The following GDF9 variants were observed in gnomAD, a reference collection of about 807,000 sequenced individuals.
The protein encoded by GDF9 is growth differentiation factor 9, also known as growth/differentiation factor 9.
Under a neutral mutation model 33.8 loss-of-function variants are expected in GDF9, and 30 were observed. That is an observed-to-expected ratio of 0.89 (90% CI 0.66 to 1.20). The LOEUF (loss-of-function observed/expected upper bound fraction) is 1.20. Ranked by LOEUF, GDF9 falls within the 50% of genes most tolerant of loss-of-function variation. GDF9 has a pLI of 0.00. For missense variants in GDF9, 556 were observed against 543.7 expected (o/e 1.02, Z -0.22); for synonymous variants, 205 against 200.7 (o/e 1.02, Z -0.18).
rs148683120 is a variant in GDF9, at chr5:132,861,545, A to C, written c.*44T>G. On this transcript the variant is annotated 3_prime_UTR_variant, in exon 2 of 2. Transcript: ENST00000687138. Reference sequence around the variant, plus strand: ...TTGAAGGCACACATAGGCACACAGTAGTTACTTTGCCAAATAGGCTCAAGG... The same window carrying C: ...TTGAAGGCACACATAGGCACACAGTCGTTACTTTGCCAAATAGGCTCAAGG... 4,104 of 1,556,686 alleles carry C rather than the reference A, an allele frequency of 2.6e-3. 23 individuals are homozygous for C. The highest frequency in any genetic ancestry group is 3.0e-3 in the South Asian group (266 of 89,470).
In GDF9 at chr5:132,861,555, C is replaced by A. The variant is rs764149027; in HGVS notation, c.*34G>T. ...ACATAGGCACACAGTAGTTACTTTG[C>A]CAAATAGGCTCAAGGTTTTAAGAGG... On this transcript the variant is annotated 3_prime_UTR_variant, in exon 2 of 2. Transcript: ENST00000687138. The A allele has an allele frequency of 1.2e-6, 2 of 1,601,172 alleles. No homozygotes were observed. The highest frequency in any genetic ancestry group is 4.5e-5 in the East Asian group (2 of 44,814).
At chr5:132,863,236 A>C (rs941462942) in intron 1 of GDF9, among the ~76,000 whole-genome samples, 14 of 152,198 alleles carry the variant, frequency 9.2e-5, no homozygotes, top group Non-Finnish European at 1.8e-4. Context: ...TAATAGAAAC[A>C]CTTATCAGAC....
chr5:132,862,436 T>C lies in GDF9; in HGVS notation c.518A>G (p.Lys173Arg). Reference protein sequence around the residue: ...NNSVSFSSAVKCVCNLMIKEP... With the variant: ...NNSVSFSSAVRCVCNLMIKEP... ...CTTTATCATTAGATTGCACACACAT[T>C]TGACAGCAGAGGAAAAAGAAACTGA... is the stretch of plus-strand genomic sequence containing the variant. Residue 173 changes from lysine (K) to arginine (R), a missense_variant, in exon 2 of 2, where the codon AAA becomes AGA. Lys to Arg is a conservative substitution (Grantham distance 26). Transcript: ENST00000687138. 1 of 1,614,150 alleles carries C rather than the reference T, an allele frequency of 6.2e-7. No homozygotes were observed. Among genetic ancestry groups the C allele is most frequent in the Non-Finnish European group, 8.5e-7 (1 of 1,180,008 alleles).
rs1472840438 is a variant in GDF9 at position 132,865,211 on chromosome 5, A to G, written c.-678T>C. 6.6e-6 allele frequency: 1 copy of G among 151,742 alleles called. No individual in the cohort carries two copies. 9.4% of individuals were successfully genotyped at this position (151,742 alleles called of 1,614,324 possible). On this transcript the variant is annotated 5_prime_UTR_variant, in exon 1 of 2. Coordinates refer to ENST00000687138, the MANE Select transcript of GDF9 (RefSeq NM_005260.7). ...GGCTGGGTACAGAATACGTACTTGG[A>G]GTACTGGAATTGTATTTGCGATGTT...
chr5:132,862,512 T>C lies in GDF9; in HGVS notation c.442A>G (p.Thr148Ala), dbSNP rs763023910. ...VELLFNLDRI[T>A]TVEHLLKSVL... ...GACTTGAGTAAGTGTTCAACGGTAG[T>C]AATGCGATCCAGGTTAAATAGCAGT... is the stretch of plus-strand genomic sequence containing the variant. The change falls in exon 2 of 2, where the codon ACT (threonine) becomes GCT (alanine). Residue 148 changes from threonine (T) to alanine (A), a missense_variant. Transcript: ENST00000687138. 4 of 1,609,960 alleles carry C rather than the reference T, an allele frequency of 2.5e-6. No homozygotes were observed. Among genetic ancestry groups the C allele is most frequent in the South Asian group, 2.2e-5 (2 of 91,030 alleles).
At position 132,864,371 on chromosome 5, in the gene GDF9, C is replaced by A; in HGVS notation, c.163G>T (p.Glu55Ter). The change falls in exon 1 of 2, where the codon GAG becomes TAG. Residue 55 changes from glutamate (E) to a stop codon, truncating the protein, a stop_gained. Coordinates refer to ENST00000687138, the MANE Select transcript of GDF9 (RefSeq NM_005260.7). LOFTEE classifies it high-confidence loss of function. ...MPWSLLQHID[E>*]RDRAGLLPAL... ...GGAAGGAGGCCAGCTCTGTCTCTCTCATCTATATGCTGCAGCAAGGACCAA... is the reference window on the plus strand; with the variant it reads ...GGAAGGAGGCCAGCTCTGTCTCTCTAATCTATATGCTGCAGCAAGGACCAA... 1 of 1,614,144 alleles carries A rather than the reference C, an allele frequency of 6.2e-7. No individual in the cohort carries two copies. Among genetic ancestry groups the A allele is most frequent in the Non-Finnish European group, 8.5e-7 (1 of 1,180,020 alleles).
At position 132,862,494 on chromosome 5, in the gene GDF9, G is replaced by GT; in HGVS notation, c.459dup (p.Leu154ThrfsTer34). ...ATATTGTACAGCAAGACTGACTTGAGTAAGTGTTCAACGGTAGTAATGCGA... is the reference window on the plus strand; with the variant it reads ...ATATTGTACAGCAAGACTGACTTGAGTTAAGTGTTCAACGGTAGTAATGCGA... On this transcript the variant is annotated frameshift_variant, in exon 2 of 2. Coordinates refer to ENST00000687138, the MANE Select transcript of GDF9 (RefSeq NM_005260.7). LOFTEE classifies it high-confidence loss of function. The GT allele has an allele frequency of 6.2e-7, 1 of 1,612,154 alleles. No homozygotes were observed. Among genetic ancestry groups the GT allele is most frequent in the Non-Finnish European group, 8.5e-7 (1 of 1,178,630 alleles).
At position 132,862,463 on chromosome 5, in the gene GDF9, T is replaced by C. The variant is rs527962952; in HGVS notation, c.491A>G (p.Asn164Ser). ...LKSVLLYNIN[N>S]SVSFSSAVKC... ...GACAGCAGAGGAAAAAGAAACTGAGTTGTTGATATTGTACAGCAAGACTGA... is the reference window on the plus strand; with the variant it reads ...GACAGCAGAGGAAAAAGAAACTGAGCTGTTGATATTGTACAGCAAGACTGA... The change falls in exon 2 of 2, where the codon AAC becomes AGC. Residue 164 changes from asparagine (N) to serine (S), a missense_variant. Transcript: ENST00000687138. The C allele has an allele frequency of 6.2e-7, 1 of 1,613,864 alleles. No homozygotes were observed. Among genetic ancestry groups the C allele is most frequent in the Non-Finnish European group, 8.5e-7 (1 of 1,179,874 alleles).
Position 132,864,439 on chromosome 5 carries a change from GCTT to G in GDF9, c.92_94del (p.Glu31del). On this transcript the variant is annotated inframe_deletion, in exon 1 of 2. Coordinates refer to ENST00000687138, the MANE Select transcript of GDF9 (RefSeq NM_005260.7). Reference sequence around the variant, plus strand: ...CAACTCAGCACTAGCAGCAATCTGAGCTTCTCCCCCAGAAGCCTGAGAACCAAG... The same window carrying G: ...CAACTCAGCACTAGCAGCAATCTGAGCTCCCCCAGAAGCCTGAGAACCAAG... 6.2e-7 allele frequency: 1 copy of G among 1,613,880 alleles called. No individual in the cohort carries two copies. Among genetic ancestry groups the G allele is most frequent in the Non-Finnish European group, 8.5e-7 (1 of 1,179,924 alleles).
Position 132,861,620 on chromosome 5 carries a change from T to A in GDF9, c.1334A>T (p.Asp445Val), listed in dbSNP as rs1288589786. 6.2e-7 allele frequency: 1 copy of A among 1,612,934 alleles called. No homozygotes were observed. Among genetic ancestry groups the A allele is most frequent in the Non-Finnish European group, 8.5e-7 (1 of 1,178,946 alleles). Reference sequence around the variant, plus strand: ...ACAGGTGCACTTTGTAGCTATCATATCTTCGTACTCTTTATAGGCAATTGA... The same window carrying A: ...ACAGGTGCACTTTGTAGCTATCATAACTTCGTACTCTTTATAGGCAATTGA... ...DGSIAYKEYE[D>V]MIATKCTCR is the part of the protein sequence containing the mutation. Residue 445 changes from aspartate to valine, a missense_variant, in exon 2 of 2, where the codon GAT becomes GTT. Transcript: ENST00000687138.
rs1759478342 is a variant in GDF9, at chr5:132,864,486, C to T, written c.48G>A (p.Trp16Ter). 6.2e-7 allele frequency: 1 copy of T among 1,612,692 alleles called. No homozygotes were observed. The highest frequency in any genetic ancestry group is 8.5e-7 in the Non-Finnish European group (1 of 1,180,008). ...KFLLWFCCFA[W>*]LCFPISLGSQ... ...AACCAAGGCTAATAGGAAAACACAG[C>T]CAGGCAAAGCAGCAAAACCAAAGGA... Residue 16 changes from tryptophan to a stop codon, truncating the protein, a stop_gained, in exon 1 of 2, where the codon TGG (tryptophan) becomes TGA (stop). Coordinates refer to ENST00000687138, the MANE Select transcript of GDF9 (RefSeq NM_005260.7). LOFTEE classifies it high-confidence loss of function.
rs909663056 is a variant in GDF9, at chr5:132,861,773, T to C, written c.1181A>G (p.Tyr394Cys). 2 of 1,611,556 alleles carry C rather than the reference T, an allele frequency of 1.2e-6. No individual in the cohort carries two copies. The highest frequency in any genetic ancestry group is 1.3e-5 in the African/African-American group (1 of 75,012). ...GDCPRAVGHR[Y>C]GSPVHTMVQN... The stretch of plus-strand genomic sequence containing the variant: ...TACCATGGTGTGAACTGGAGAGCCA[T>C]ACCGATGTCCAACTGCCCTTGGACA... Residue 394 changes from tyrosine (Y) to cysteine (C), a missense_variant, in exon 2 of 2, where the codon TAT becomes TGT. Coordinates refer to ENST00000687138, the MANE Select transcript of GDF9 (RefSeq NM_005260.7).
Position 132,862,481 on chromosome 5 carries a change from A to G in GDF9, c.473T>C (p.Leu158Ser). ...TTVEHLLKSV[L>S]LYNINNSVSF... ...AACTGAGTTGTTGATATTGTACAGC[A>G]AGACTGACTTGAGTAAGTGTTCAAC... is the stretch of plus-strand genomic sequence containing the variant. The change falls in exon 2 of 2, where the codon TTG (leucine) becomes TCG (serine). Residue 158 changes from leucine (L) to serine (S), a missense_variant. Leu to Ser is a moderately radical substitution (Grantham distance 145). Coordinates refer to ENST00000687138, the MANE Select transcript of GDF9 (RefSeq NM_005260.7). The G allele has an allele frequency of 1.2e-6, 2 of 1,613,410 alleles. 1 individual carries two copies. Among genetic ancestry groups the G allele is most frequent in the South Asian group, 2.2e-5 (2 of 91,078 alleles).
chr5:132,861,594 G>A lies in GDF9; in HGVS notation c.1360C>T (p.Arg454Cys), dbSNP rs61754582. The A allele has an allele frequency of 3.7e-3, 5,997 of 1,613,354 alleles. 19 individuals carry two copies. The highest frequency in any genetic ancestry group is 4.2e-3 in the Non-Finnish European group (5,001 of 1,179,370). ...GGTTTTAAGAGGACCATTTGTTAACGACAGGTGCACTTTGTAGCTATCATA... is the reference window on the plus strand; with the variant it reads ...GGTTTTAAGAGGACCATTTGTTAACAACAGGTGCACTTTGTAGCTATCATA... ...EDMIATKCTC[R>C] The change falls in exon 2 of 2, where the codon CGT (arginine) becomes TGT (cysteine). Residue 454 changes from arginine (R) to cysteine (C), a missense_variant. By Grantham distance (180) the Arg-to-Cys change is radical. Transcript: ENST00000687138.
Position 132,862,187 on chromosome 5 carries a change from A to G in GDF9, c.767T>C (p.Met256Thr), listed in dbSNP as rs751708068. ...GATCAGTGAGGGGGACACCAGAGTC[A>G]TGTTAAACAAACCATTCTGTGCTGA... is the stretch of plus-strand genomic sequence containing the variant. Reference protein sequence around the residue: ...HPSAQNGLFNMTLVSPSLILY... With the variant: ...HPSAQNGLFNTTLVSPSLILY... The change falls in exon 2 of 2, where the codon ATG (methionine) becomes ACG (threonine). Residue 256 changes from methionine to threonine, a missense_variant. Transcript: ENST00000687138. 2 of 1,613,964 alleles carry G rather than the reference A, an allele frequency of 1.2e-6. No homozygotes were observed. Among genetic ancestry groups the G allele is most frequent in the Non-Finnish European group, 1.7e-6 (2 of 1,179,794 alleles).
rs1428694834 is a variant in GDF9, at chr5:132,864,291, T to C, written c.243A>G (p.Pro81=). ...TCATGTAGTGCAAAGCTCTGGAGTC[T>C]GGCTGCAGCCTAGGTGACCCACCTC... The part of the protein sequence containing the change: ...VGRGGSPRLQ[P]DSRALHYMKK... The change falls in exon 1 of 2, where the codon CCA becomes CCG. Residue 81 remains proline, a synonymous_variant. Transcript: ENST00000687138. 5.0e-6 allele frequency: 8 copies of C among 1,614,250 alleles called. No homozygotes were observed. In the Admixed American group the frequency reaches 1.3e-4, roughly 27 times the overall value.
intron 1 of GDF9, among the ~76,000 whole-genome samples, chr5:132,863,846 G>C (rs1759422174): frequency 6.6e-6 from 1 of 152,180 alleles, no homozygotes; most frequent in African/African-American, 2.4e-5. Flanking sequence ...CCAAAAGCTT[G>C]GTGGAACAGA....
rs1390149299 is a variant in GDF9, at chr5:132,865,437, C to T, written c.-904G>A. ...TTTGCCACAATATTTCTGTCCTTAC[C>T]TGTATTTCTGTTCTTGCCTTGGAGC... is the stretch of plus-strand genomic sequence containing the variant. On this transcript the variant is annotated 5_prime_UTR_variant, in exon 1 of 2. Coordinates refer to ENST00000687138, the MANE Select transcript of GDF9 (RefSeq NM_005260.7). 6.6e-6 allele frequency: 1 copy of T among 152,040 alleles called. No homozygotes were observed. The highest frequency in any genetic ancestry group is 1.5e-5 in the Non-Finnish European group (1 of 68,016). The allele number at this position is 152,040 out of a possible 1,614,324, so 9.4% of individuals were successfully genotyped here. A position where few individuals can be genotyped will look rare whatever the true frequency, so the allele number is the denominator to read the frequency against.
In GDF9 at chr5:132,865,609, T is replaced by A. The variant is rs1475128672; in HGVS notation, c.-1076A>T. 1 of 152,160 alleles carries A rather than the reference T, an allele frequency of 6.6e-6. No homozygotes were observed. Among genetic ancestry groups the A allele is most frequent in the African/African-American group, 2.4e-5 (1 of 41,440 alleles). 9.4% of individuals were successfully genotyped at this position (152,160 alleles called of 1,614,324 possible). ...TCATAGTGCAAGATACGAAGCCAGT[T>A]TGTGCAGTACCTACATGAGAAAACT... On this transcript the variant is annotated 5_prime_UTR_variant, in exon 1 of 2. Transcript: ENST00000687138.
Sources: allele counts gnomAD v4.1 joint callset (sites outside exome capture counted in the v4.1 genomes callset), GRCh38; gene constraint gnomAD v4.1.1; transcripts MANE v1.5; gene names NCBI Gene and HGNC (gene_info 2026-07-23, HGNC 2026-07-21).